Variants in RGS7 observed in about 807,000 individuals in gnomAD.
RGS7 encodes regulator of G protein signaling 7, also known as regulator of G-protein signaling 7.
Under a neutral mutation model 81.1 loss-of-function variants are expected in RGS7, and 27 were observed. The ratio of observed to expected loss-of-function variants is 0.33; its 90% CI spans 0.25 to 0.46. RGS7 has a LOEUF of 0.46. Among genes scored for constraint, RGS7 ranks in the 20% least tolerant of loss-of-function variants. RGS7 has a pLI of 1.00. For missense variants in RGS7, 396 were observed against 607.4 expected (o/e 0.65, Z 3.66); for synonymous variants, 208 against 207.7 (o/e 1.00, Z -0.01).
chr1:241,030,391 C>CAT (rs2060020127), intron 3 of RGS7, among the ~76,000 whole-genome samples: 1 of 93,030 alleles, frequency 1.1e-5, no homozygotes, highest in African/African-American at 3.6e-5. Flanking sequence ...CACATACATA[C>CAT]ACACACACAC....
chr1:241,009,689 C>G (rs2058855610), intron 3 of RGS7, among the ~76,000 whole-genome samples: 1 of 152,132 alleles, frequency 6.6e-6, no homozygotes, highest in Admixed American at 6.5e-5. Flanking sequence ...ACTGTAAACC[C>G]AGAAATTGGA....
intron 2 of RGS7, among the ~76,000 whole-genome samples, chr1:241,329,295 A>G (rs2081818328): frequency 6.6e-6 from 1 of 152,210 alleles, no homozygotes; most frequent in South Asian, 2.1e-4. Flanking sequence ...CTTTGACAGG[A>G]TACAAAGATA....
At chr1:240,828,751 C>A (rs1048754998) in intron 9 of RGS7, among the ~76,000 whole-genome samples, 1 of 152,224 alleles carries the variant, frequency 6.6e-6, no homozygotes, top group African/African-American at 2.4e-5. Flanking sequence ...TGCGCCAATG[C>A]ACGCTAGCCT....
chr1:241,297,988 T>C (rs1481573652), intron 2 of RGS7, among the ~76,000 whole-genome samples: 1 of 152,172 alleles, frequency 6.6e-6, no homozygotes, highest in Admixed American at 6.5e-5. Context: ...CAGGTGTGCA[T>C]CATTCAAATT....
chr1:241,336,466 A>G (rs954716417), intron 2 of RGS7, among the ~76,000 whole-genome samples: 1 of 152,234 alleles, frequency 6.6e-6, no homozygotes, highest in African/African-American at 2.4e-5. Flanking sequence ...GAATCCAGAC[A>G]GAAATATTAT....
intron 2 of RGS7, among the ~76,000 whole-genome samples, chr1:241,209,122 T>A (rs1055713718): frequency 1.3e-5 from 2 of 152,202 alleles, no homozygotes; most frequent in African/African-American, 4.8e-5. Context: ...AGTGTCAACT[T>A]AGAGAGATGT....
chr1:241,173,756 G>A (rs1418988757), intron 2 of RGS7, among the ~76,000 whole-genome samples: 1 of 152,128 alleles, frequency 6.6e-6, no homozygotes, highest in Non-Finnish European at 1.5e-5. Flanking sequence ...ACTCTAGCCT[G>A]GGCAAGGAGC....
chr1:241,041,397 A>C (rs2060608579), intron 3 of RGS7, among the ~76,000 whole-genome samples: 1 of 152,142 alleles, frequency 6.6e-6, no homozygotes. Context: ...CTGAGGCTTG[A>C]AAAAAATACT....
At chr1:241,117,770 G>A (rs929754576) in intron 2 of RGS7, among the ~76,000 whole-genome samples, 68 of 152,196 alleles carry the variant, frequency 4.5e-4, no homozygotes, top group African/African-American at 1.2e-3. Flanking sequence ...ATTTCTTATC[G>A]GATTAATCTA....
intron 9 of RGS7, among the ~76,000 whole-genome samples, chr1:240,857,206 C>CTAT (rs1293578029): frequency 6.6e-6 from 1 of 151,832 alleles, no homozygotes; most frequent in African/African-American, 2.4e-5. Flanking sequence ...AGTTATATCT[C>CTAT]TATTTTTTTT....
intron 4 of RGS7, among the ~76,000 whole-genome samples, chr1:240,962,355 T>C (rs562694188): frequency 2.0e-5 from 3 of 152,322 alleles, no homozygotes; most frequent in South Asian, 4.1e-4. Context: ...CTGCTCTCTA[T>C]GGTTAAAAGT....
At chr1:240,796,042 C>T (rs1687012651) in intron 18 of RGS7, among the ~76,000 whole-genome samples, 1 of 152,076 alleles carries the variant, frequency 6.6e-6, no homozygotes, top group Admixed American at 6.5e-5. Context: ...CCGCCTCAGC[C>T]CCACAAAGTG....
intron 4 of RGS7, among the ~76,000 whole-genome samples, chr1:240,979,509 T>C (rs1684622407): frequency 6.6e-6 from 1 of 152,160 alleles, no homozygotes; most frequent in East Asian, 1.9e-4. Flanking sequence ...GAGCTTGGGA[T>C]TACAATAAGG....
At chr1:241,077,632 A>G (rs536620392) in intron 3 of RGS7, among the ~76,000 whole-genome samples, 1 of 152,264 alleles carries the variant, frequency 6.6e-6, no homozygotes, top group East Asian at 1.9e-4. Flanking sequence ...CCCTCCAGCG[A>G]TTGCTCTCTG....
At chr1:240,951,783 C>T (rs1679602175) in intron 4 of RGS7, among the ~76,000 whole-genome samples, 2 of 151,908 alleles carry the variant, frequency 1.3e-5, no homozygotes, top group Non-Finnish European at 2.9e-5. Flanking sequence ...ACAAATGCCA[C>T]ACTACACTCA....
chr1:241,193,242 T>C (rs1386469447), intron 2 of RGS7, among the ~76,000 whole-genome samples: 3 of 152,222 alleles, frequency 2.0e-5, no homozygotes, highest in East Asian at 3.8e-4. Flanking sequence ...CATAATCACA[T>C]GGCTAAGCCA....
rs567504230 is a variant in RGS7, at chr1:241,160,126, A to G, written c.79-61364T>C. Among the ~76,000 whole-genome samples the G allele has an allele frequency of 1.6e-4, 19 of 120,172 alleles. No individual in the cohort carries two copies. In the South Asian group the frequency reaches 1.7e-3, roughly 10 times the overall value. 78.8% of individuals were successfully genotyped at this position (120,172 alleles called of 152,430 possible). A position where few individuals can be genotyped will look rare whatever the true frequency, so the allele number is the denominator to read the frequency against. On this transcript the variant is annotated intron_variant, in intron 2 of 18. Coordinates refer to ENST00000440928, the MANE Select transcript of RGS7 (RefSeq NM_001364886.1). ...ACTCCATCTCAAAAAAAAAAAAAAA[A>G]AAAAGAAAAAGAAAAAGAAAAAGAA...
intron 2 of RGS7, among the ~76,000 whole-genome samples, chr1:241,229,704 A>T (rs1021402839): frequency 6.6e-6 from 1 of 152,230 alleles, no homozygotes; most frequent in African/African-American, 2.4e-5. Context: ...TCAGTTTATC[A>T]TCCGAAATGA....
intron 2 of RGS7, among the ~76,000 whole-genome samples, chr1:241,230,402 G>A (rs755580280): frequency 6.6e-6 from 1 of 151,978 alleles, no homozygotes; most frequent in Non-Finnish European, 1.5e-5. Context: ...TTAGTAGAGA[G>A]AGGGTTTCGC....
Sources: allele counts gnomAD v4.1 joint callset (sites outside exome capture counted in the v4.1 genomes callset), GRCh38; gene constraint gnomAD v4.1.1; transcripts MANE v1.5; gene names NCBI Gene and HGNC (gene_info 2026-07-23, HGNC 2026-07-21).